The following TRMU variants were observed in gnomAD, a reference collection of about 807,000 sequenced individuals.
TRMU encodes mitochondrial tRNA-specific 2-thiouridylase 1.
Under a neutral mutation model 46.9 loss-of-function variants are expected in TRMU, and 49 were observed. That is an observed-to-expected ratio of 1.05 (90% CI 0.83 to 1.33). The LOEUF is 1.33. TRMU is among the 40% of genes most tolerant of loss of function. The pLI is 0.00. For missense variants in TRMU, 572 were observed against 532.4 expected, an observed-to-expected ratio of 1.07 and a Z score of -0.73; for synonymous variants, 241 against 200.9, an observed-to-expected ratio of 1.20 and a Z score of -1.69.
rs114392269 is a variant in TRMU, at chr22:46,352,098, C to T, written c.652-23C>T. On this transcript the variant is annotated intron_variant, in intron 5 of 10. Coordinates refer to ENST00000645190, the MANE Select transcript of TRMU (RefSeq NM_018006.5). Reference sequence around the variant, plus strand: ...GCCACCGCCACTTCTGCTCCTCTCACGGCTGCCGTCTTCTCATTTCAGAGC... The same window carrying T: ...GCCACCGCCACTTCTGCTCCTCTCATGGCTGCCGTCTTCTCATTTCAGAGC... 3.2e-4 allele frequency: 516 copies of T among 1,612,182 alleles called. 2 individuals are homozygous for T. In the African/African-American group the frequency reaches 4.5e-3, roughly 14 times the overall value.
chr22:46,337,708 G>A (rs2078014673), intron 1 of TRMU, 71 bp from the exon 2 acceptor site: 1 of 1,587,970 alleles, frequency 6.3e-7, no homozygotes, highest in Non-Finnish European at 8.6e-7. Flanking sequence ...ACTTCTCAGA[G>A]CTCAGAAATC....
At chr22:46,340,006 AG>A (rs1478140223) in intron 2 of TRMU, among the ~76,000 whole-genome samples, 1 of 151,954 alleles carries the variant, frequency 6.6e-6, no homozygotes, top group Non-Finnish European at 1.5e-5. Flanking sequence ...AGAGAGTCTC[AG>A]GAAGTGCTGT....
At chr22:46,344,230 G>C (rs1001816740) in intron 3 of TRMU, among the ~76,000 whole-genome samples, 1 of 152,164 alleles carries the variant, frequency 6.6e-6, no homozygotes, top group Non-Finnish European at 1.5e-5. Context: ...GTGCCCCCAG[G>C]CTGACTGAGC....
intron 2 of TRMU, among the ~76,000 whole-genome samples, chr22:46,340,958 C>G (rs1028924398): frequency 2.0e-5 from 3 of 152,254 alleles, no homozygotes; most frequent in Admixed American, 1.3e-4. Context: ...AGGCATTGGT[C>G]TTTCCGCTGA....
chr22:46,343,987 T>C (rs1330086853), intron 3 of TRMU, among the ~76,000 whole-genome samples: 1 of 152,172 alleles, frequency 6.6e-6, no homozygotes, highest in African/African-American at 2.4e-5. Context: ...ATGATAATGA[T>C]GAAAGTTAGT....
At chr22:46,356,626 A>G in intron 10 of TRMU, 1 of 589,360 alleles carries the variant, frequency 1.7e-6, no homozygotes. Flanking sequence ...ACTCAGGGAG[A>G]GGTACCCTGA....
rs1277137823 is a variant in TRMU, at chr22:46,349,518, G to A, written c.479-773G>A. Among the ~76,000 whole-genome samples the A allele has an allele frequency of 3.9e-5, 6 of 152,232 alleles. 1 individual carries two copies. Among genetic ancestry groups the A allele is most frequent in the African/African-American group, 9.6e-5 (4 of 41,452 alleles). Reference sequence around the variant, plus strand: ...ATGTGGCGTGCTCTGAGTGTAACTCGAAAGGAGAAGTTTATGAGAAAGATT... The same window carrying A: ...ATGTGGCGTGCTCTGAGTGTAACTCAAAAGGAGAAGTTTATGAGAAAGATT... On this transcript the variant is annotated intron_variant, in intron 4 of 10. Coordinates refer to ENST00000645190, the MANE Select transcript of TRMU (RefSeq NM_018006.5). This position sits in a 1 kb window ranked among gnomAD's most constrained non-coding sequence, Gnocchi z 4.6.
Position 46,352,312 on chromosome 22 carries a change from G to C in TRMU, c.754G>C (p.Val252Leu), listed in dbSNP as rs2078455406. ...CTTTATTTCCATAGAAGACAATAAG[G>C]TTCTGGGAACACATAAAGGTGAGGT... Reference protein sequence around the residue: ...GHFISIEDNKVLGTHKGWFLY... With the variant: ...GHFISIEDNKLLGTHKGWFLY... The change falls in exon 7 of 11, where the codon GTT (valine) becomes CTT (leucine). Residue 252 changes from valine to leucine, a missense_variant. By Grantham distance (32) the Val-to-Leu change is conservative (BLOSUM62 1). Coordinates refer to ENST00000645190, the MANE Select transcript of TRMU (RefSeq NM_018006.5). 1.2e-6 allele frequency: 2 copies of C among 1,614,018 alleles called. No individual in the cohort carries two copies. The highest frequency in any genetic ancestry group is 4.5e-5 in the East Asian group (2 of 44,874).
chr22:46,343,053 C>T (rs563263945), intron 2 of TRMU, among the ~76,000 whole-genome samples: 4 of 152,346 alleles, frequency 2.6e-5, no homozygotes, highest in South Asian at 4.1e-4. Context: ...GCTCCTGAGC[C>T]GTAGTGGCAG....
Position 46,339,194 on chromosome 22 carries a change from G to C in TRMU, c.248+1250G>C, listed in dbSNP as rs932996465. Among the ~76,000 whole-genome samples the C allele has an allele frequency of 1.3e-5, 2 of 152,052 alleles. No homozygotes were observed. Among genetic ancestry groups the C allele is most frequent in the Non-Finnish European group, 2.9e-5 (2 of 68,022 alleles). On this transcript the variant is annotated intron_variant, in intron 2 of 10. Transcript: ENST00000645190. The surrounding 1 kb of genome is among the most constrained non-coding windows in gnomAD (Gnocchi z 4.8). ...AGACAGAGCCTCGCTCTGTTGCCCA[G>C]GCTGGAGTGCAGTGGCGCAATCTTG... is the stretch of plus-strand genomic sequence containing the variant.
intron 8 of TRMU, 180 bp from the exon 9 acceptor site, chr22:46,355,264 G>A: frequency 1.1e-6 from 1 of 927,786 alleles, no homozygotes; most frequent in Admixed American, 2.2e-5. Flanking sequence ...GTAAAATGGG[G>A]ATTCAAAGGC....
intron 3 of TRMU, among the ~76,000 whole-genome samples, chr22:46,343,715 CT>C: frequency 6.6e-6 from 1 of 152,164 alleles, no homozygotes; most frequent in Non-Finnish European, 1.5e-5. Flanking sequence ...GAATTGCTTG[CT>C]TAGACCACCT....
rs995921599 is a variant in TRMU, at chr22:46,350,231, T to G, written c.479-60T>G. The G allele has an allele frequency of 4.4e-6, 7 of 1,605,404 alleles. No individual in the cohort carries two copies. The highest frequency in any genetic ancestry group is 6.0e-6 in the Non-Finnish European group (7 of 1,172,854). On this transcript the variant is annotated intron_variant, in intron 4 of 10. Transcript: ENST00000645190. This position sits in a 1 kb window ranked among gnomAD's most constrained non-coding sequence, Gnocchi z 4.6. The stretch of plus-strand genomic sequence containing the variant: ...GTCTAAGTGAACAGAAGGACATTGT[T>G]GAAAGTGAAGTATCATTATTTTTAT...
At chr22:46,346,764 G>C (rs1420243501) in intron 4 of TRMU, among the ~76,000 whole-genome samples, 1 of 152,234 alleles carries the variant, frequency 6.6e-6, no homozygotes, top group East Asian at 1.9e-4. Context: ...CGGCCATGGT[G>C]AGGGCTGGTG....
chr22:46,356,583 TGG>T (rs1168776851), intron 10 of TRMU: 8 of 547,394 alleles, frequency 1.5e-5, no homozygotes, highest in African/African-American at 3.8e-5. Flanking sequence ...GCCAGTCCCT[TGG>T]AGTCCCAGGA....
chr22:46,356,792 C>A, intron 10 of TRMU, 50 bp from the exon 11 acceptor site: 1 of 1,607,700 alleles, frequency 6.2e-7, no homozygotes, highest in South Asian at 1.1e-5. Flanking sequence ...CCTGCCTGCC[C>A]TCGGCTGGCT....
At position 46,349,238 on chromosome 22, in the gene TRMU, C is replaced by G. The variant is rs1428570565; in HGVS notation, c.479-1053C>G. Among the ~76,000 whole-genome samples, 1 of 152,166 alleles carries G rather than the reference C, an allele frequency of 6.6e-6. No individual in the cohort carries two copies. Among genetic ancestry groups the G allele is most frequent in the Non-Finnish European group, 1.5e-5 (1 of 68,020 alleles). Reference sequence around the variant, plus strand: ...TGTCACTCAGTTCTGCTGTTTGTACCTGCCAAGTAAGGGAGGGGGACTCGG... The same window carrying G: ...TGTCACTCAGTTCTGCTGTTTGTACGTGCCAAGTAAGGGAGGGGGACTCGG... On this transcript the variant is annotated intron_variant, in intron 4 of 10. Transcript: ENST00000645190. The surrounding 1 kb of genome is among the most constrained non-coding windows in gnomAD (Gnocchi z 4.6).
At chr22:46,352,043 G>T in intron 5 of TRMU, 78 bp from the exon 6 acceptor site, 3 of 1,531,004 alleles carry the variant, frequency 2.0e-6, no homozygotes, top group Non-Finnish European at 1.8e-6. Flanking sequence ...AGGCCCCAGG[G>T]CCCGCTCAGG....
chr22:46,355,449 C>T lies in TRMU; in HGVS notation c.879C>T (p.Pro293=), dbSNP rs781401971. The stretch of plus-strand genomic sequence containing the variant: ...CTTCACATTCCATTCTGCAGGCCCC[C>T]CGGACAGACCACCCAGCCCTGTACA... ...DSVKGDVFVA[P]RTDHPALYRD... The change falls in exon 9 of 11, where the codon CCC becomes CCT. Residue 293 remains proline, a synonymous_variant. Transcript: ENST00000645190. The T allele has an allele frequency of 1.2e-5, 20 of 1,612,880 alleles. No individual in the cohort carries two copies. The Admixed American group carries it at 3.3e-4, about 27-fold the overall frequency.
Sources: gnomAD v4.1 joint callset for allele counts (sites outside exome capture counted in the v4.1 genomes callset) on GRCh38, gnomAD v4.1.1 for gene constraint, Gnocchi (gnomAD v3.1) non-coding constraint, MANE v1.5 for transcripts, NCBI Gene and HGNC (gene_info 2026-07-23, HGNC 2026-07-21) for gene names.